Variants in TBX21 observed in about 807,000 individuals in gnomAD.
The protein encoded by TBX21 is T-box transcription factor TBX21.
In TBX21, 11 loss-of-function variants were observed where a neutral mutation model predicts 52.2. The observed-to-expected ratio is 0.21, with a 90% CI of 0.13 to 0.35. The LOEUF (loss-of-function observed/expected upper bound fraction) is 0.35. Ranked by LOEUF, TBX21 falls within the 10% of genes least tolerant of loss-of-function variation. The pLI is 1.00. For missense variants in TBX21, 625 were observed against 755.1 expected (o/e 0.83, Z 2.02); for synonymous variants, 300 against 316.1 (o/e 0.95, Z 0.54).
chr17:47,734,086 G>A, intron 1 of TBX21, 141 bp downstream of exon 1: 1 of 1,414,580 alleles, frequency 7.1e-7, no homozygotes, highest in Non-Finnish European at 9.7e-7. Flanking sequence ...AGGGGAATGG[G>A]GTTGTTAGGA....
At chr17:47,744,722 T>G in intron 5 of TBX21, 26 bp from the exon 6 acceptor site, 1 of 1,601,356 alleles carries the variant, frequency 6.2e-7, no homozygotes, top group Non-Finnish European at 8.5e-7. Context: ...TTGTGACCCG[T>G]TTTCTTGCCT....
In TBX21 at chr17:47,742,465, A is replaced by G; in HGVS notation, c.492-145A>G. 1.1e-6 allele frequency: 1 copy of G among 914,206 alleles called. No individual in the cohort carries two copies. Among genetic ancestry groups the G allele is most frequent in the Non-Finnish European group, 1.6e-6 (1 of 637,750 alleles). 56.6% of individuals were successfully genotyped at this position (914,206 alleles called of 1,614,324 possible). On this transcript the variant is annotated intron_variant, in intron 1 of 5. Transcript: ENST00000177694. The surrounding 1 kb of genome is among the most constrained non-coding windows in gnomAD (Gnocchi z 4.4). ...GGCTGTGTTTAACCACTGGCTGGCAAACTCCCTAAACACCTTCCAGCTGGT... is the reference window on the plus strand; with the variant it reads ...GGCTGTGTTTAACCACTGGCTGGCAGACTCCCTAAACACCTTCCAGCTGGT...
rs55690005 is a variant in TBX21, at chr17:47,734,554, GGTGTGTGTGTGTGTGTGT to G, written c.491+648_491+665del. ...GGTCTTACTTTGAGATCATATGTCTGGTGTGTGTGTGTGTGTGTGTGTGTGTGTGTGTGTGTGTGTGTG... is the reference window on the plus strand; with the variant it reads ...GGTCTTACTTTGAGATCATATGTCTGGTGTGTGTGTGTGTGTGTGTGTGTG... On this transcript the variant is annotated intron_variant, in intron 1 of 5. Transcript: ENST00000177694. Among the ~76,000 whole-genome samples the G allele has an allele frequency of 9.8e-4, 101 of 102,988 alleles. 2 individuals are homozygous for G. In the East Asian group the frequency reaches 0.016, roughly 16 times the overall value. The allele number at this position is 102,988 out of a possible 152,430, so 67.6% of individuals were successfully genotyped here.
chr17:47,742,934 T>C lies in TBX21; in HGVS notation c.647-137T>C. ...CTTCCTGCTTTGCTCTAGCCTGTCC[T>C]CTGCTGAGTCCTCTGCCCTTCCCTG... is the stretch of plus-strand genomic sequence containing the variant. On this transcript the variant is annotated intron_variant, in intron 2 of 5. Coordinates refer to ENST00000177694, the MANE Select transcript of TBX21 (RefSeq NM_013351.2). The surrounding 1 kb of genome is among the most constrained non-coding windows in gnomAD (Gnocchi z 4.4). 1 of 1,512,562 alleles carries C rather than the reference T, an allele frequency of 6.6e-7. No homozygotes were observed. Among genetic ancestry groups the C allele is most frequent in the Non-Finnish European group, 8.8e-7 (1 of 1,130,276 alleles). The allele number at this position is 1,512,562 out of a possible 1,614,324, so 93.7% of individuals were successfully genotyped here.
intron 1 of TBX21, among the ~76,000 whole-genome samples, chr17:47,737,412 A>G (rs147731961): frequency 6.6e-6 from 1 of 152,188 alleles, no homozygotes; most frequent in Non-Finnish European, 1.5e-5. Flanking sequence ...GTTAAGCTCA[A>G]TCTGCATTTG....
intron 1 of TBX21, among the ~76,000 whole-genome samples, chr17:47,736,740 G>T (rs2032210898): frequency 6.6e-6 from 1 of 152,080 alleles, no homozygotes; most frequent in Admixed American, 6.6e-5. Flanking sequence ...CTCAAAACAG[G>T]CTTTTGGGCT....
At chr17:47,744,141 G>A in intron 3 of TBX21, 54 bp from the exon 4 acceptor site, 1 of 1,589,806 alleles carries the variant, frequency 6.3e-7, no homozygotes, top group Non-Finnish European at 8.6e-7. Context: ...GGGGGTGATG[G>A]GATCCTCGAA....
chr17:47,741,376 G>T (rs1303627080), intron 1 of TBX21, among the ~76,000 whole-genome samples: 1 of 152,092 alleles, frequency 6.6e-6, no homozygotes, highest in Non-Finnish European at 1.5e-5. Flanking sequence ...TGTTAGTGGT[G>T]GAGATGGTGA....
intron 1 of TBX21, among the ~76,000 whole-genome samples, chr17:47,736,844 T>C (rs2032212043): frequency 6.6e-6 from 1 of 152,146 alleles, no homozygotes; most frequent in Non-Finnish European, 1.5e-5. Flanking sequence ...ACATCACCCA[T>C]GACCTTCTTC....
rs1256551900 is a variant in TBX21, at chr17:47,742,324, C to T, written c.492-286C>T. ...CTCGAACTCCTGACCTCAGGTGATC[C>T]GCCCGCCTTGGCCTCTCAAAGTGCT... On this transcript the variant is annotated intron_variant, in intron 1 of 5. Coordinates refer to ENST00000177694, the MANE Select transcript of TBX21 (RefSeq NM_013351.2). The surrounding 1 kb of genome is among the most constrained non-coding windows in gnomAD (Gnocchi z 4.4). Among the ~76,000 whole-genome samples the T allele has an allele frequency of 3.3e-5, 5 of 152,144 alleles. No individual in the cohort carries two copies. Among genetic ancestry groups the T allele is most frequent in the Non-Finnish European group, 7.4e-5 (5 of 68,026 alleles).
chr17:47,742,639 T>G lies in TBX21; in HGVS notation c.521T>G (p.Val174Gly). 6.2e-7 allele frequency: 1 copy of G among 1,601,858 alleles called. No homozygotes were observed. The highest frequency in any genetic ancestry group is 1.3e-5 in the African/African-American group (1 of 74,832). Residue 174 changes from valine to glycine, a missense_variant, in exon 2 of 6, where the codon GTG becomes GGG. Physicochemically the swap from Val to Gly is moderately radical, Grantham distance 109. Transcript: ENST00000177694. The surrounding 1 kb of genome is among the most constrained non-coding windows in gnomAD (Gnocchi z 4.4). Reference sequence around the variant, plus strand: ...ATGTTCCCATTCCTGTCATTTACTGTGGCCGGGCTGGAGCCCACCAGCCAC... The same window carrying G: ...ATGTTCCCATTCCTGTCATTTACTGGGGCCGGGCTGGAGCCCACCAGCCAC... Reference protein sequence around the residue: ...RRMFPFLSFTVAGLEPTSHYR... With the variant: ...RRMFPFLSFTGAGLEPTSHYR...
In TBX21 at chr17:47,742,371, T is replaced by C. The variant is rs1465180149; in HGVS notation, c.492-239T>C. Among the ~76,000 whole-genome samples the C allele has an allele frequency of 6.6e-6, 1 of 152,198 alleles. No individual in the cohort carries two copies. The highest frequency in any genetic ancestry group is 1.5e-5 in the Non-Finnish European group (1 of 68,020). On this transcript the variant is annotated intron_variant, in intron 1 of 5. Transcript: ENST00000177694. This position sits in a 1 kb window ranked among gnomAD's most constrained non-coding sequence, Gnocchi z 4.4. ...TGCTGGGATTACAGGCATGAGCCAC[T>C]GTGCCGGGCCTACTTTGACTGTTAA...
intron 1 of TBX21, 142 bp downstream of exon 1, chr17:47,734,087 G>C: frequency 7.2e-7 from 1 of 1,394,532 alleles, no homozygotes; most frequent in Non-Finnish European, 9.9e-7. Context: ...GGGGAATGGG[G>C]TTGTTAGGAG....
Position 47,745,020 on chromosome 17 carries a change from G to A in TBX21, c.1262G>A (p.Arg421Gln), listed in dbSNP as rs1205690428. The change falls in exon 6 of 6, where the codon CGA (arginine) becomes CAA (glutamine). Residue 421 changes from arginine to glutamine, a missense_variant. Transcript: ENST00000177694. ...SAPGPTMSYY[R>Q]GQEVLAPGAG... ...CCTGGGCCCACCATGTCCTACTACC[G>A]AGGCCAGGAGGTCCTGGCACCTGGA... The A allele has an allele frequency of 1.7e-5, 27 of 1,612,448 alleles. No individual in the cohort carries two copies. Among genetic ancestry groups the A allele is most frequent in the East Asian group, 6.7e-5 (3 of 44,890 alleles).
In TBX21 at chr17:47,733,326, C is replaced by A; in HGVS notation, c.-129C>A. On this transcript the variant is annotated 5_prime_UTR_variant, in exon 1 of 6. Transcript: ENST00000177694. The surrounding 1 kb of genome is among the most constrained non-coding windows in gnomAD (Gnocchi z 6.6). Reference sequence around the variant, plus strand: ...AAGCCAGGCGTCAGAGCCCGGGCTCCGGTGGGGTCCCCCACCCGGCCCTCG... The same window carrying A: ...AAGCCAGGCGTCAGAGCCCGGGCTCAGGTGGGGTCCCCCACCCGGCCCTCG... 4 of 1,256,544 alleles carry A rather than the reference C, an allele frequency of 3.2e-6. No homozygotes were observed. Among genetic ancestry groups the A allele is most frequent in the Non-Finnish European group, 4.1e-6 (4 of 976,794 alleles). The allele number at this position is 1,256,544 out of a possible 1,614,324, so 77.8% of individuals were successfully genotyped here.
Position 47,744,291 on chromosome 17 carries a change from A to G in TBX21, c.865A>G (p.Thr289Ala), listed in dbSNP as rs1425641318. Residue 289 changes from threonine (T) to alanine (A), a missense_variant, in exon 4 of 6, where the codon ACG (threonine) becomes GCG (alanine). This residue lies in a region of TBX21 where 142 missense variants were observed against 258.5 expected (regional missense o/e 0.55). Transcript: ENST00000177694. ...AGAGGCAGCCTGCAACGCTTCCAACACGCATATCTTTACTTTCCAAGAAAC... is the reference window on the plus strand; with the variant it reads ...AGAGGCAGCCTGCAACGCTTCCAACGCGCATATCTTTACTTTCCAAGAAAC... ...EPEAACNASN[T>A]HIFTFQETQF... 1 of 1,614,188 alleles carries G rather than the reference A, an allele frequency of 6.2e-7. No homozygotes were observed.
chr17:47,738,767 AT>A (rs2032236031), intron 1 of TBX21, among the ~76,000 whole-genome samples: 1 of 151,798 alleles, frequency 6.6e-6, no homozygotes, highest in African/African-American at 2.4e-5. Context: ...CGCCTGGCTA[AT>A]TTTTGTATTT....
chr17:47,733,449 C>T lies in TBX21; in HGVS notation c.-6C>T. On this transcript the variant is annotated 5_prime_UTR_variant, in exon 1 of 6. Coordinates refer to ENST00000177694, the MANE Select transcript of TBX21 (RefSeq NM_013351.2). The surrounding 1 kb of genome is among the most constrained non-coding windows in gnomAD (Gnocchi z 6.6). ...ACGGCTACGGGAAGGTGCCAGCCCGCCCCGGATGGGCATCGTGGAGCCGGG... is the reference window on the plus strand; with the variant it reads ...ACGGCTACGGGAAGGTGCCAGCCCGTCCCGGATGGGCATCGTGGAGCCGGG... The T allele has an allele frequency of 6.7e-7, 1 of 1,483,300 alleles. No individual in the cohort carries two copies. Among genetic ancestry groups the T allele is most frequent in the Non-Finnish European group, 8.9e-7 (1 of 1,123,876 alleles). The allele number at this position is 1,483,300 out of a possible 1,614,324, so 91.9% of individuals were successfully genotyped here.
intron 1 of TBX21, among the ~76,000 whole-genome samples, chr17:47,735,952 C>A (rs1300418722): frequency 1.3e-5 from 2 of 152,164 alleles, no homozygotes; most frequent in Non-Finnish European, 2.9e-5. Context: ...GTGGATGGAG[C>A]ATCAGCCAGC....
Sources: gnomAD v4.1 joint callset for allele counts (sites outside exome capture counted in the v4.1 genomes callset) on GRCh38, gnomAD v4.1.1 for gene constraint, gnomAD v4.1.1 regional missense constraint, Gnocchi (gnomAD v3.1) non-coding constraint, MANE v1.5 for transcripts, NCBI Gene and HGNC (gene_info 2026-07-23, HGNC 2026-07-21) for gene names.